The following TAF1 variants were observed in gnomAD, a reference collection of about 807,000 sequenced individuals.
The protein encoded by TAF1 is transcription initiation factor TFIID subunit 1.
A neutral mutation model predicts 138.5 loss-of-function variants in TAF1; 2 were observed. The ratio of observed to expected loss-of-function variants is 0.01; its 90% CI spans 0.01 to 0.05. The LOEUF is 0.05. Ranked by LOEUF, TAF1 falls within the 10% of genes least tolerant of loss-of-function variation. TAF1 has a pLI of 1.00. For missense variants in TAF1, 709 were observed against 1,478.0 expected (o/e 0.48, Z 8.53); for synonymous variants, 437 against 503.2 (o/e 0.87, Z 1.76).
At chrX:71,527,386 C>CAAA (rs397952861) in intron 13 of TAF1, among the ~76,000 whole-genome samples, 1 of 43,482 alleles carries the variant, frequency 2.3e-5, no homozygotes, top group Non-Finnish European at 4.8e-5. Flanking sequence ...AACTCCGTCT[C>CAAA]AAAAAAAAAA....
At chrX:71,441,560 G>T in intron 32 of TAF1, 1 of 209,466 alleles carries the variant, frequency 4.8e-6, no homozygotes, top group Non-Finnish European at 8.9e-6. Context: ...ATTTTTTTGT[G>T]TTGAGAATGT....
intron 13 of TAF1, among the ~76,000 whole-genome samples, chrX:71,497,461 G>A (rs1284789866): frequency 1.8e-5 from 2 of 111,423 alleles, no homozygotes; most frequent in African/African-American, 3.3e-5. Flanking sequence ...TCCAGATGGT[G>A]AGATCCTTTC....
intron 32 of TAF1, among the ~76,000 whole-genome samples, chrX:71,445,485 G>A (rs971682069): frequency 2.7e-5 from 3 of 111,041 alleles, no homozygotes; most frequent in Admixed American, 9.6e-5. Flanking sequence ...CCAGTTTTTC[G>A]TCATTTATTG....
intron 15 of TAF1, 62 bp downstream of exon 15, chrX:71,387,523 G>T: frequency 2.6e-6 from 3 of 1,163,944 alleles, no homozygotes; most frequent in Non-Finnish European, 3.5e-6. Flanking sequence ...TTGGGGCCGG[G>T]CATGGCGGCT....
intron 3 of TAF1, chrX:71,368,960 C>G (rs1156472726): frequency 2.9e-5 from 3 of 103,873 alleles, no homozygotes; most frequent in African/African-American, 1.1e-4. Flanking sequence ...AAGCAATTCT[C>G]CTGCCTGAGC....
At chrX:71,395,983 C>A (rs962678858) in intron 22 of TAF1, among the ~76,000 whole-genome samples, 2 of 109,579 alleles carry the variant, frequency 1.8e-5, no homozygotes, top group Non-Finnish European at 3.8e-5. Flanking sequence ...CATGGTGAAA[C>A]CCCATTTGTA....
intron 25 of TAF1, among the ~76,000 whole-genome samples, chrX:71,404,932 A>G (rs2035376981): frequency 9.6e-6 from 1 of 103,770 alleles, no homozygotes; most frequent in African/African-American, 3.5e-5. Context: ...CCACTGAGGT[A>G]TAGTTAGGTT....
intron 28 of TAF1, among the ~76,000 whole-genome samples, chrX:71,418,381 G>C (rs1210997054): frequency 8.9e-6 from 1 of 112,903 alleles, no homozygotes; most frequent in Non-Finnish European, 1.9e-5. Flanking sequence ...ACAGGCGTGA[G>C]CCACTGTGTC....
At chrX:71,489,385 T>G (rs1159803715) in intron 13 of TAF1, among the ~76,000 whole-genome samples, 1 of 110,463 alleles carries the variant, frequency 9.1e-6, no homozygotes, top group Non-Finnish European at 1.9e-5. Flanking sequence ...GAATAAGAAA[T>G]GTAAGGCTAG....
At chrX:71,439,124 T>A (rs1048534376) in intron 32 of TAF1, among the ~76,000 whole-genome samples, 4 of 111,830 alleles carry the variant, frequency 3.6e-5, no homozygotes, top group African/African-American at 1.3e-4. Context: ...TCCTCTTGGA[T>A]GTCTCAATGG....
At chrX:71,504,437 T>C (rs780586670) in intron 13 of TAF1, among the ~76,000 whole-genome samples, 3 of 109,986 alleles carry the variant, frequency 2.7e-5, no homozygotes, top group Non-Finnish European at 5.7e-5. Context: ...AGAACTGTCA[T>C]TGCCTCTGAT....
rs1258901480 is a variant in TAF1 at position 71,378,287 on chromosome X, T to C, written c.986T>C (p.Ile329Thr). The change falls in exon 7 of 38, where the codon ATA becomes ACA. Residue 329 changes from isoleucine (I) to threonine (T), a missense_variant. Ile to Thr is a moderately conservative substitution (Grantham distance 89). Around this residue, in one of 14 missense-constraint regions of TAF1, gnomAD observed 201 missense variants for 421.3 expected, o/e 0.48. Coordinates refer to ENST00000423759, the MANE Select transcript of TAF1 (RefSeq NM_004606.5). ...AAATTTTCCCAATCAACTGGAGATA[T>C]AGATAAAGTGACAGATACCAAACCA... ...ESKFSQSTGD[I>T]DKVTDTKPRV... 1.2e-5 allele frequency: 15 copies of C among 1,209,895 alleles called. No homozygotes were observed. Among genetic ancestry groups the C allele is most frequent in the Admixed American group, 6.6e-5 (3 of 45,637 alleles).
chrX:71,469,128 C>A (rs1420368598), downstream of TAF1, among the ~76,000 whole-genome samples: 1 of 111,800 alleles, frequency 8.9e-6, no homozygotes, highest in Non-Finnish European at 1.9e-5. Context: ...CATAGCAAGA[C>A]CTTGTCTCTA....
At chrX:71,511,889 G>T (rs913213949) in intron 13 of TAF1, among the ~76,000 whole-genome samples, 2 of 110,246 alleles carry the variant, frequency 1.8e-5, no homozygotes, top group Non-Finnish European at 3.8e-5. Context: ...GGTGGCACAC[G>T]CCTGTAGTCT....
Position 71,527,597 on chromosome X carries a change from A to C in TAF1, c.1367-945A>C, listed in dbSNP as rs73544846. 9.9e-3 allele frequency among the ~76,000 whole-genome samples: 1,101 copies of C among 111,082 alleles called. 18 individuals carry two copies. Among genetic ancestry groups the C allele is most frequent in the African/African-American group, 0.033 (1,010 of 30,550 alleles). On this transcript the variant is annotated intron_variant and NMD_transcript_variant, in intron 13 of 14. Coordinates refer to the TAF1 transcript ENST00000373775. The stretch of plus-strand genomic sequence containing the variant: ...TTGGAAATTGATAAAGATAATTCAC[A>C]CTTCTAAGAACTCAAGACTTTACTT...
intron 9 of TAF1, 130 bp from the exon 10 acceptor site, chrX:71,382,406 T>G (rs1182705136): frequency 7.7e-5 from 62 of 804,198 alleles, no homozygotes; most frequent in Middle Eastern, 5.0e-4. Flanking sequence ...TGGGGGGGGG[T>G]GGGATGAAAG....
At chrX:71,421,473 T>C (rs1047774553) in intron 29 of TAF1, 97 bp downstream of exon 29, 19 of 694,108 alleles carry the variant, frequency 2.7e-5, no homozygotes, top group Non-Finnish European at 4.2e-5. Context: ...AGGAAAAATA[T>C]ATGCGGGAGT....
At chrX:71,430,385 CAAAA>C (rs746183306) in intron 32 of TAF1, among the ~76,000 whole-genome samples, 4 of 35,107 alleles carry the variant, frequency 1.1e-4, no homozygotes, top group Admixed American at 6.8e-4. Flanking sequence ...CTCCGTCTCA[CAAAA>C]AAAAAAAAAA....
At chrX:71,460,849 C>T in intron 37 of TAF1, 46 bp downstream of exon 37, 1 of 1,164,071 alleles carries the variant, frequency 8.6e-7, no homozygotes, top group Non-Finnish European at 1.2e-6. Context: ...CAGTGCCCAG[C>T]TATGATGTTG....
Sources: allele counts gnomAD v4.1 joint callset (sites outside exome capture counted in the v4.1 genomes callset), GRCh38; gene constraint gnomAD v4.1.1; regional missense constraint gnomAD v4.1.1; transcripts MANE v1.5; gene names NCBI Gene and HGNC (gene_info 2026-07-23, HGNC 2026-07-21).